TRDN: variants seen among roughly 807,000 people sequenced by gnomAD.
TRDN encodes the protein triadin in skeletal muscle.
A neutral mutation model predicts 149.7 loss-of-function variants in TRDN; 161 were observed. The observed-to-expected ratio is 1.08, with a 90% CI of 0.95 to 1.23. The LOEUF is 1.23. TRDN is among the 50% of genes most tolerant of loss of function. The pLI, the probability that TRDN is intolerant of heterozygous loss-of-function variation, is 0.00. For synonymous variants in TRDN, 294 were observed against 250.5 expected (o/e 1.17, Z -1.64); for missense variants, 896 against 823.5 (o/e 1.09, Z -1.08).
intron 12 of TRDN, among the ~76,000 whole-genome samples, chr6:123,399,339 A>G (rs144360989): frequency 6.6e-6 from 1 of 152,198 alleles, no homozygotes; most frequent in Non-Finnish European, 1.5e-5. Context: ...GAGAATGACA[A>G]GTTTCTTAAG....
intron 24 of TRDN, 127 bp downstream of exon 24, chr6:123,316,330 C>G: frequency 1.2e-6 from 1 of 841,058 alleles, no homozygotes; most frequent in Non-Finnish European, 1.9e-6. Flanking sequence ...CACATAGCAT[C>G]AGTATTTTTT....
intron 20 of TRDN, among the ~76,000 whole-genome samples, chr6:123,353,984 T>C (rs75895465): frequency 0.011 from 1,705 of 151,950 alleles, 25 homozygotes; most frequent in African/African-American, 0.039. Context: ...TGTTAGATTA[T>C]AGTCAATATT....
intron 7 of TRDN, among the ~76,000 whole-genome samples, chr6:123,504,596 A>C (rs1778838537): frequency 6.6e-6 from 1 of 152,072 alleles, no homozygotes; most frequent in African/African-American, 2.4e-5. Flanking sequence ...GCCCTTAAAC[A>C]TATCATGGGA....
At chr6:123,585,244 ATTTAG>A (rs1411429376) in intron 1 of TRDN, among the ~76,000 whole-genome samples, 5 of 151,632 alleles carry the variant, frequency 3.3e-5, no homozygotes, top group East Asian at 1.9e-4. Context: ...GAAGCAGATA[ATTTAG>A]TTAAAGTGTC....
At chr6:123,259,344 T>A (rs1352288608) in intron 35 of TRDN, among the ~76,000 whole-genome samples, 1 of 152,104 alleles carries the variant, frequency 6.6e-6, no homozygotes, top group Admixed American at 6.6e-5. Context: ...CACAGTTCAG[T>A]AGTAATATGA....
intron 14 of TRDN, among the ~76,000 whole-genome samples, chr6:123,385,365 T>A (rs1781869227): frequency 6.8e-6 from 1 of 147,486 alleles, no homozygotes; most frequent in Non-Finnish European, 1.5e-5. Context: ...GAGGTGGAGC[T>A]CGCAGTGAGC....
chr6:123,462,307 C>T (rs1776495817), intron 10 of TRDN: 1 of 152,206 alleles, frequency 6.6e-6, no homozygotes, highest in South Asian at 2.1e-4. Context: ...AATTTCAAGG[C>T]ACTAAATAAG....
chr6:123,373,839 G>T (rs568304501), intron 19 of TRDN, among the ~76,000 whole-genome samples: 12 of 152,152 alleles, frequency 7.9e-5, no homozygotes, highest in Admixed American at 7.9e-4. Context: ...AAAACTATGT[G>T]CACCATACTA....
rs1783405418 is a variant in TRDN, at chr6:123,585,309, A to G, written c.23-14177T>C. Among the ~76,000 whole-genome samples, 3 of 152,052 alleles carry G rather than the reference A, an allele frequency of 2.0e-5. No individual in the cohort carries two copies. In the South Asian group the frequency reaches 6.2e-4, roughly 32 times the overall value. ...GTGGGGATAATTAAAAGGAGTGCTT[A>G]AAAGAGTATTGTCTAATTTGGCACC... On this transcript the variant is annotated intron_variant, in intron 1 of 40. Coordinates refer to ENST00000334268, the MANE Select transcript of TRDN (RefSeq NM_006073.4).
intron 1 of TRDN, among the ~76,000 whole-genome samples, chr6:123,626,309 C>T (rs953722745): frequency 7.9e-5 from 12 of 152,030 alleles, no homozygotes; most frequent in African/African-American, 2.9e-4. Flanking sequence ...TGGTGAAACC[C>T]CGTCTCTACA....
At chr6:123,230,911 C>G (rs2114521224) in intron 38 of TRDN, among the ~76,000 whole-genome samples, 1 of 152,044 alleles carries the variant, frequency 6.6e-6, no homozygotes, top group East Asian at 1.9e-4. Flanking sequence ...TTTTTCTGTG[C>G]CAGGTATGCT....
chr6:123,528,996 T>G, intron 5 of TRDN: 1 of 1,300,074 alleles, frequency 7.7e-7, no homozygotes, highest in South Asian at 2.1e-5. Context: ...ATTCACTGTC[T>G]TAATTATGGA....
At chr6:123,536,217 G>T (rs1271849884) in intron 4 of TRDN, among the ~76,000 whole-genome samples, 2 of 152,022 alleles carry the variant, frequency 1.3e-5, no homozygotes, top group Admixed American at 6.6e-5. Flanking sequence ...TTTGATGAGG[G>T]CAAGAATTAT....
chr6:123,279,122 C>A (rs765314624), intron 24 of TRDN, 40 bp from the exon 25 acceptor site: 1 of 1,517,382 alleles, frequency 6.6e-7, no homozygotes, highest in South Asian at 1.2e-5. Context: ...CTGAGTCATA[C>A]AATTCTTATT....
At chr6:123,306,245 C>T (rs1276508183) in intron 24 of TRDN, among the ~76,000 whole-genome samples, 1 of 152,062 alleles carries the variant, frequency 6.6e-6, no homozygotes, top group Non-Finnish European at 1.5e-5. Flanking sequence ...TTCTTTCTGG[C>T]CCATTTGTTA....
chr6:123,301,586 A>G (rs1052227902), intron 24 of TRDN, among the ~76,000 whole-genome samples: 3 of 151,320 alleles, frequency 2.0e-5, no homozygotes, highest in African/African-American at 7.3e-5. Context: ...TGCTCCACCA[A>G]TATTAGTTAT....
intron 24 of TRDN, among the ~76,000 whole-genome samples, chr6:123,315,117 A>G (rs1480708852): frequency 6.6e-6 from 1 of 152,046 alleles, no homozygotes; most frequent in Non-Finnish European, 1.5e-5. Flanking sequence ...AATAAAGCAT[A>G]AAATACAATG....
At chr6:123,486,221 A>G (rs1458622514) in intron 9 of TRDN, among the ~76,000 whole-genome samples, 8 of 151,476 alleles carry the variant, frequency 5.3e-5, no homozygotes, top group Non-Finnish European at 1.2e-4. Context: ...GTCTTATAAC[A>G]TCTTGGGTTT....
chr6:123,280,474 T>C (rs1409704670), intron 24 of TRDN, among the ~76,000 whole-genome samples: 2 of 152,134 alleles, frequency 1.3e-5, no homozygotes, highest in Non-Finnish European at 2.9e-5. Context: ...AATAATTTTC[T>C]GGGAATTTTC....
Sources: gnomAD v4.1 joint callset for allele counts (sites outside exome capture counted in the v4.1 genomes callset) on GRCh38, gnomAD v4.1.1 for gene constraint, MANE v1.5 for transcripts, NCBI Gene and HGNC (gene_info 2026-07-23, HGNC 2026-07-21) for gene names.